DNASE2: variants seen among roughly 807,000 people sequenced by gnomAD.
The protein encoded by DNASE2 is deoxyribonuclease-2-alpha.
In DNASE2, 26 loss-of-function variants were observed where a neutral mutation model predicts 29.8. The observed-to-expected ratio is 0.87, with a 90% CI of 0.64 to 1.21. DNASE2 has a LOEUF of 1.21. Among genes scored for constraint, DNASE2 ranks in the 50% most tolerant of loss-of-function variants. The pLI, the probability that DNASE2 is intolerant of heterozygous loss-of-function variation, is 0.00. For synonymous variants in DNASE2, 186 were observed against 193.5 expected, an observed-to-expected ratio of 0.96 and a Z score of 0.32; for missense variants, 415 against 455.6, an observed-to-expected ratio of 0.91 and a Z score of 0.81.
In DNASE2 at chr19:12,875,887, A is replaced by G; in HGVS notation, c.*103T>C. 6.8e-7 allele frequency: 1 copy of G among 1,468,942 alleles called. No homozygotes were observed. The highest frequency in any genetic ancestry group is 1.2e-5 in the South Asian group (1 of 82,440). 91.0% of individuals were successfully genotyped at this position (1,468,942 alleles called of 1,614,324 possible). On this transcript the variant is annotated 3_prime_UTR_variant, in exon 6 of 6. Transcript: ENST00000222219. Reference sequence around the variant, plus strand: ...TAGTAGAGATGTGGTCTCACTATGTAGCCCAGGCTGGTCTCGAATTCCTGA... The same window carrying G: ...TAGTAGAGATGTGGTCTCACTATGTGGCCCAGGCTGGTCTCGAATTCCTGA...
intron 3 of DNASE2, among the ~76,000 whole-genome samples, chr19:12,879,576 C>T (rs553322219): frequency 5.3e-4 from 80 of 151,948 alleles, no homozygotes; most frequent in African/African-American, 1.9e-3. Flanking sequence ...CAGTTTGCAG[C>T]GGGGCTTAGA....
At chr19:12,879,390 A>T (rs761507492) in intron 3 of DNASE2, among the ~76,000 whole-genome samples, 38 of 148,708 alleles carry the variant, frequency 2.6e-4, no homozygotes, top group Non-Finnish European at 4.9e-4. Flanking sequence ...AGGCTGATGC[A>T]GGAGAATCAC....
intron 5 of DNASE2, 68 bp from the exon 6 acceptor site, chr19:12,876,431 C>T: frequency 1.9e-6 from 3 of 1,572,110 alleles, no homozygotes; most frequent in South Asian, 1.1e-5. Context: ...AGTCCACTTC[C>T]CCTCTCTCAG....
chr19:12,878,248 G>A (rs1264410726), intron 5 of DNASE2, 134 bp downstream of exon 5: 4 of 1,159,994 alleles, frequency 3.4e-6, no homozygotes, highest in Middle Eastern at 5.6e-4. Context: ...TTGAACCCAG[G>A]TCTGTTCACT....
chr19:12,875,826 A>C lies in DNASE2; in HGVS notation c.*164T>G. The C allele has an allele frequency of 1.3e-6, 1 of 778,180 alleles. No individual in the cohort carries two copies. Among genetic ancestry groups the C allele is most frequent in the East Asian group, 2.7e-5 (1 of 36,620 alleles). 48.2% of individuals were successfully genotyped at this position (778,180 alleles called of 1,614,324 possible). On this transcript the variant is annotated 3_prime_UTR_variant, in exon 6 of 6. Coordinates refer to ENST00000222219, the MANE Select transcript of DNASE2 (RefSeq NM_001375.3). ...GGCTTCAGTGGCTGGGACTACAGGC[A>C]TTTATCACCGTGCCTGGCTAACTTT... is the stretch of plus-strand genomic sequence containing the variant.
At chr19:12,879,692 C>A (rs1223363978) in intron 3 of DNASE2, among the ~76,000 whole-genome samples, 1 of 152,058 alleles carries the variant, frequency 6.6e-6, no homozygotes. Context: ...GGAAACAGGC[C>A]AGGTGTGGCG....
chr19:12,880,963 C>T lies in DNASE2; in HGVS notation c.267+9G>A. On this transcript the variant is annotated intron_variant, in intron 2 of 5. Transcript: ENST00000222219. ...GTTTCGCCCCTAGTTGGCCCGGGGC[C>T]CCCTTCACCTGGCTGGTGTTGCTCC... The T allele has an allele frequency of 6.2e-7, 1 of 1,614,198 alleles. No individual in the cohort carries two copies. The highest frequency in any genetic ancestry group is 8.5e-7 in the Non-Finnish European group (1 of 1,180,042).
At chr19:12,877,566 GAC>G (rs887981370) in intron 5 of DNASE2, among the ~76,000 whole-genome samples, 5 of 151,560 alleles carry the variant, frequency 3.3e-5, no homozygotes, top group African/African-American at 4.9e-5. Flanking sequence ...TTTATTTTGA[GAC>G]ACAGTCTCAC....
rs1168615681 is a variant in DNASE2, at chr19:12,881,271, C to T, written c.86+19G>A. On this transcript the variant is annotated intron_variant, in intron 1 of 5. Transcript: ENST00000222219. Reference sequence around the variant, plus strand: ...AGCCGGACCCCGGGGCGATGGTAGGCCCCCCGCTGCGCACTCACCAGTCTA... The same window carrying T: ...AGCCGGACCCCGGGGCGATGGTAGGTCCCCCGCTGCGCACTCACCAGTCTA... The T allele has an allele frequency of 1.3e-6, 2 of 1,581,318 alleles. No individual in the cohort carries two copies. The highest frequency in any genetic ancestry group is 1.4e-5 in the African/African-American group (1 of 73,916).
chr19:12,881,067 A>C lies in DNASE2; in HGVS notation c.172T>G (p.Ser58Ala), dbSNP rs746308133. The change falls in exon 2 of 6, where the codon TCC (serine) becomes GCC (alanine). Residue 58 changes from serine (S) to alanine (A), a missense_variant. Coordinates refer to ENST00000222219, the MANE Select transcript of DNASE2 (RefSeq NM_001375.3). ...GLQYKYLDES[S>A]GGWRDGRALI... ...GCCCTGCCGTCCCGCCAGCCTCCGG[A>C]GCTCTCGTCCAGATACTTGTACTGC... 1 of 1,612,830 alleles carries C rather than the reference A, an allele frequency of 6.2e-7. No homozygotes were observed.
chr19:12,878,961 G>A (rs1970349045), intron 3 of DNASE2, 127 bp from the exon 4 acceptor site: 5 of 1,192,684 alleles, frequency 4.2e-6, no homozygotes, highest in South Asian at 2.6e-5. Context: ...TGGCCAACAT[G>A]GCGAAACCCC....
chr19:12,881,332 C>T lies in DNASE2; in HGVS notation c.44G>A (p.Gly15Glu). The change falls in exon 1 of 6, where the codon GGG becomes GAG. Residue 15 changes from glycine to glutamate, a missense_variant. Physicochemically the swap from Gly to Glu is moderately conservative, Grantham distance 98. Coordinates refer to ENST00000222219, the MANE Select transcript of DNASE2 (RefSeq NM_001375.3). ...GGAGTCCCCGTAGCAGGTCAGGGCC[C>T]CGGCGGGGACGCACAGCAGCGCTGC... ...LLAALLCVPAGALTCYGDSGQ... is the reference protein window; with the variant it reads ...LLAALLCVPAEALTCYGDSGQ... 1.3e-6 allele frequency: 2 copies of T among 1,569,194 alleles called. No homozygotes were observed. Among genetic ancestry groups the T allele is most frequent in the Non-Finnish European group, 1.7e-6 (2 of 1,158,186 alleles).
Position 12,875,889 on chromosome 19 carries a change from C to G in DNASE2, c.*101G>C, listed in dbSNP as rs970512070. The G allele has an allele frequency of 1.0e-5, 15 of 1,491,992 alleles. No individual in the cohort carries two copies. In the African/African-American group the frequency reaches 1.5e-4, roughly 15 times the overall value. 92.4% of individuals were successfully genotyped at this position (1,491,992 alleles called of 1,614,324 possible). ...GTAGAGATGTGGTCTCACTATGTAG[C>G]CCAGGCTGGTCTCGAATTCCTGAGT... is the stretch of plus-strand genomic sequence containing the variant. On this transcript the variant is annotated 3_prime_UTR_variant, in exon 6 of 6. Coordinates refer to ENST00000222219, the MANE Select transcript of DNASE2 (RefSeq NM_001375.3).
intron 3 of DNASE2, among the ~76,000 whole-genome samples, chr19:12,879,484 C>T (rs1052152143): frequency 1.4e-5 from 1 of 71,174 alleles, no homozygotes; most frequent in African/African-American, 5.7e-5. Flanking sequence ...AACTCCTTCT[C>T]AAAAAAAAAA....
At position 12,878,438 on chromosome 19, in the gene DNASE2, G is replaced by A. The variant is rs935346827; in HGVS notation, c.653C>T (p.Thr218Ile). Residue 218 changes from threonine (T) to isoleucine (I), a missense_variant, in exon 5 of 6, where the codon ACA (threonine) becomes ATA (isoleucine). Transcript: ENST00000222219. ...CTGGAAAACAGCCCCGGCCTGGGAT[G>A]TGAGTGTGATGCTGCTGTTCCAGGG... ...QEPWNSSITL[T>I]SQAGAVFQSF... 22 of 1,613,652 alleles carry A rather than the reference G, an allele frequency of 1.4e-5. No homozygotes were observed. Among genetic ancestry groups the A allele is most frequent in the Non-Finnish European group, 1.8e-5 (21 of 1,180,064 alleles).
chr19:12,880,513 C>G (rs1970367447), intron 3 of DNASE2, among the ~76,000 whole-genome samples: 1 of 151,920 alleles, frequency 6.6e-6, no homozygotes, highest in African/African-American at 2.4e-5. Flanking sequence ...TGAAAATTAG[C>G]CTGGTGTGAT....
chr19:12,880,098 G>A (rs1970362801), intron 3 of DNASE2, among the ~76,000 whole-genome samples: 1 of 98,772 alleles, frequency 1.0e-5, no homozygotes, highest in Non-Finnish European at 2.0e-5. Context: ...GAGAGAGAGT[G>A]CCGCAAAAAA....
rs1970373780 is a variant in DNASE2, at chr19:12,881,018, G to A, written c.221C>T (p.Ala74Val). 1 of 1,613,696 alleles carries A rather than the reference G, an allele frequency of 6.2e-7. No individual in the cohort carries two copies. The highest frequency in any genetic ancestry group is 8.5e-7 in the Non-Finnish European group (1 of 1,180,006). ...CAGCGGCTGCAGGCTTCGGCCCACG[G>A]CCCCCTCCGGGCTGTTGATGAGTGC... ...GRALINSPEG[A>V]VGRSLQPLYR... The change falls in exon 2 of 6, where the codon GCC (alanine) becomes GTC (valine). Residue 74 changes from alanine to valine, a missense_variant. Coordinates refer to ENST00000222219, the MANE Select transcript of DNASE2 (RefSeq NM_001375.3).
At position 12,875,984 on chromosome 19, in the gene DNASE2, T is replaced by C; in HGVS notation, c.*6A>G. ...ATACGTGAGCCACTGCACCTGGCCA[T>C]AAGGGTTAGATCTTATAAGCTCTGC... On this transcript the variant is annotated 3_prime_UTR_variant, in exon 6 of 6. Coordinates refer to ENST00000222219, the MANE Select transcript of DNASE2 (RefSeq NM_001375.3). 6.2e-7 allele frequency: 1 copy of C among 1,612,732 alleles called. No individual in the cohort carries two copies. The highest frequency in any genetic ancestry group is 8.5e-7 in the Non-Finnish European group (1 of 1,179,984).
Sources: gnomAD v4.1 joint callset for allele counts (sites outside exome capture counted in the v4.1 genomes callset) on GRCh38, gnomAD v4.1.1 for gene constraint, MANE v1.5 for transcripts, NCBI Gene and HGNC (gene_info 2026-07-23, HGNC 2026-07-21) for gene names.